CHRDL1: variants seen among roughly 807,000 people sequenced by gnomAD.
CHRDL1 encodes chordin like 1.
A neutral mutation model predicts 40.9 loss-of-function variants in CHRDL1; 19 were observed. That is an observed-to-expected ratio of 0.46 (90% CI 0.32 to 0.68). CHRDL1 has a LOEUF of 0.68. Among genes scored for constraint, CHRDL1 ranks in the 30% least tolerant of loss-of-function variants. The probability of loss-of-function intolerance (pLI) is 0.03; values close to 1 mark genes in which losing one functional copy is unlikely to be tolerated. For synonymous variants in CHRDL1, 136 were observed against 123.4 expected, an observed-to-expected ratio of 1.10 and a Z score of -0.68; for missense variants, 329 against 352.1, an observed-to-expected ratio of 0.93 and a Z score of 0.53.
chrX:110,786,049 G>C (rs951169904), intron 2 of CHRDL1, among the ~76,000 whole-genome samples: 2 of 111,808 alleles, frequency 1.8e-5, no homozygotes, highest in South Asian at 7.5e-4. Context: ...ATGAAACCAA[G>C]GTTACCCAGA....
rs1015983148 is a variant in CHRDL1, at chrX:110,779,083, A to G, written c.94+13005T>C. ...GGGCAAAAAGAGGATAACAACAGAC[A>G]CTAGGGCCTACTCGAGGCATGAAGG... On this transcript the variant is annotated intron_variant, in intron 2 of 11. Transcript: ENST00000372042. Among the ~76,000 whole-genome samples, 4 of 111,129 alleles carry G rather than the reference A, an allele frequency of 3.6e-5. No homozygotes were observed. In the Admixed American group the frequency reaches 3.8e-4, roughly 11 times the overall value.
At chrX:110,741,174 G>A (rs1286907675) in intron 4 of CHRDL1, among the ~76,000 whole-genome samples, 1 of 111,882 alleles carries the variant, frequency 8.9e-6, no homozygotes, top group Non-Finnish European at 1.9e-5. Context: ...GTACCAGCAG[G>A]ATTTCTCTTA....
At chrX:110,776,840 C>A (rs1344650180) in intron 2 of CHRDL1, among the ~76,000 whole-genome samples, 1 of 110,595 alleles carries the variant, frequency 9.0e-6, no homozygotes, top group Non-Finnish European at 1.9e-5. Context: ...TCTACACTGA[C>A]ACATCATTAT....
intron 2 of CHRDL1, among the ~76,000 whole-genome samples, chrX:110,780,411 T>C (rs938731911): frequency 5.4e-5 from 6 of 111,460 alleles, no homozygotes; most frequent in African/African-American, 1.9e-4. Flanking sequence ...AACATTCCTG[T>C]GCCATTAAAT....
chrX:110,685,718 A>T (rs1196248487), intron 9 of CHRDL1, among the ~76,000 whole-genome samples: 2 of 111,264 alleles, frequency 1.8e-5, no homozygotes, highest in Non-Finnish European at 3.8e-5. Flanking sequence ...ATTCCACGGT[A>T]CAGATACACC....
At chrX:110,774,360 T>C (rs2148522424) in intron 2 of CHRDL1, among the ~76,000 whole-genome samples, 1 of 111,799 alleles carries the variant, frequency 8.9e-6, no homozygotes, top group African/African-American at 3.2e-5. Flanking sequence ...TAGCTGAAAA[T>C]ATTCTTTGGT....
chrX:110,744,546 T>G (rs1164011204), intron 4 of CHRDL1, among the ~76,000 whole-genome samples: 3 of 111,854 alleles, frequency 2.7e-5, no homozygotes, highest in African/African-American at 9.7e-5. Context: ...AACAACAGCT[T>G]TCTACCTGCC....
chrX:110,693,579 C>A (rs2070323337), intron 8 of CHRDL1, among the ~76,000 whole-genome samples: 1 of 110,157 alleles, frequency 9.1e-6, no homozygotes, highest in African/African-American at 3.3e-5. Context: ...TGGTTTGAAC[C>A]CCTGGCCTCG....
chrX:110,677,062 G>GTCT (rs1420398655), intron 11 of CHRDL1, among the ~76,000 whole-genome samples: 1 of 110,610 alleles, frequency 9.0e-6, no homozygotes, highest in Non-Finnish European at 1.9e-5. Context: ...ACTGTGTTTT[G>GTCT]TCTTCTTTTT....
chrX:110,695,537 C>T lies in CHRDL1; in HGVS notation c.610-1206G>A, dbSNP rs186383094. Among the ~76,000 whole-genome samples the T allele has an allele frequency of 7.9e-4, 89 of 112,155 alleles. 1 individual carries two copies. Among genetic ancestry groups the T allele is most frequent in the African/African-American group, 2.5e-3 (78 of 30,799 alleles). On this transcript the variant is annotated intron_variant, in intron 7 of 11. Transcript: ENST00000372042. ...ATGAATGAAGAATGGAACCTTAAGG[C>T]TTAAAGCCAAGTAAGATTAATTGTA...
intron 4 of CHRDL1, among the ~76,000 whole-genome samples, chrX:110,728,232 G>A (rs762685747): frequency 4.0e-3 from 421 of 104,321 alleles, no homozygotes; most frequent in Non-Finnish European, 6.4e-3. Context: ...TAAGAATTGG[G>A]TGAGTGTGGG....
At chrX:110,698,958 A>G (rs1240984349) in intron 7 of CHRDL1, among the ~76,000 whole-genome samples, 1 of 112,373 alleles carries the variant, frequency 8.9e-6, no homozygotes, top group East Asian at 2.8e-4. Flanking sequence ...CAACACAGAA[A>G]ACTGAGACTG....
intron 9 of CHRDL1, among the ~76,000 whole-genome samples, chrX:110,687,673 A>C (rs1005188144): frequency 9.0e-5 from 10 of 111,605 alleles, no homozygotes; most frequent in African/African-American, 2.9e-4. Context: ...AGGGCCCCCC[A>C]AAAAATCTAC....
chrX:110,760,593 C>A (rs1405901304), intron 3 of CHRDL1, among the ~76,000 whole-genome samples: 1 of 111,609 alleles, frequency 9.0e-6, no homozygotes, highest in Non-Finnish European at 1.9e-5. Flanking sequence ...GACATCAAAG[C>A]CTCAGCTCCC....
chrX:110,774,182 T>C (rs1000146461), intron 2 of CHRDL1, among the ~76,000 whole-genome samples: 1 of 112,114 alleles, frequency 8.9e-6, no homozygotes, highest in Non-Finnish European at 1.9e-5. Flanking sequence ...GAAATTAATA[T>C]AACAACTCCA....
At chrX:110,744,028 A>C (rs1016686954) in intron 4 of CHRDL1, among the ~76,000 whole-genome samples, 1 of 112,308 alleles carries the variant, frequency 8.9e-6, no homozygotes, top group African/African-American at 3.2e-5. Flanking sequence ...TGATTCCTCT[A>C]AAGTGGGGTA....
chrX:110,709,337 A>T (rs967928916), intron 6 of CHRDL1, among the ~76,000 whole-genome samples: 2 of 112,230 alleles, frequency 1.8e-5, no homozygotes, highest in African/African-American at 6.5e-5. Flanking sequence ...GACTCCCACA[A>T]GTGTGCTGTG....
rs1310841795 is a variant in CHRDL1, at chrX:110,674,438, T to C, written c.*1793A>G. The C allele has an allele frequency of 1.1e-5, 1 of 93,816 alleles. No individual in the cohort carries two copies. The highest frequency in any genetic ancestry group is 2.0e-5 in the Non-Finnish European group (1 of 48,805). The allele number at this position is 93,816 out of a possible 1,213,427, so 7.7% of individuals were successfully genotyped here. ...CTCTGGGACGGAGGGAGCAGCCGCA[T>C]AACACCTTCCCCCCTTTACCACACA... On this transcript the variant is annotated 3_prime_UTR_variant, in exon 12 of 12. Transcript: ENST00000372042.
At chrX:110,775,155 T>C (rs1389698272) in intron 2 of CHRDL1, among the ~76,000 whole-genome samples, 1 of 111,601 alleles carries the variant, frequency 9.0e-6, no homozygotes, top group Non-Finnish European at 1.9e-5. Flanking sequence ...TACATTTGTA[T>C]CATATAAGGG....
Sources: gnomAD v4.1 joint callset for allele counts (sites outside exome capture counted in the v4.1 genomes callset) on GRCh38, gnomAD v4.1.1 for gene constraint, MANE v1.5 for transcripts, NCBI Gene and HGNC (gene_info 2026-07-23, HGNC 2026-07-21) for gene names.